GPC6: variants seen among roughly 807,000 people sequenced by gnomAD.
GPC6 encodes the protein glypican 6, also known as glypican-6.
GPC6 carries 14 observed loss-of-function variants against 55.2 expected under a neutral mutation model. That is an observed-to-expected ratio of 0.25 (90% CI 0.17 to 0.40). GPC6 has a LOEUF of 0.40. Among genes scored for constraint, GPC6 ranks in the 10% least tolerant of loss-of-function variants. The pLI is 1.00. For synonymous variants in GPC6, 278 were observed against 259.6 expected (o/e 1.07, Z -0.68); for missense variants, 641 against 708.5 (o/e 0.90, Z 1.08).
At chr13:93,648,509 A>T (rs1880272716) in intron 2 of GPC6, among the ~76,000 whole-genome samples, 1 of 152,166 alleles carries the variant, frequency 6.6e-6, no homozygotes, top group South Asian at 2.1e-4. Flanking sequence ...CTAACATCTT[A>T]TTATCTTTAT....
At chr13:93,306,809 C>A (rs1173725145) in intron 1 of GPC6, among the ~76,000 whole-genome samples, 1 of 152,020 alleles carries the variant, frequency 6.6e-6, no homozygotes, top group Non-Finnish European at 1.5e-5. Context: ...AGTAGCTATT[C>A]TTTGTAATTT....
At chr13:94,127,726 G>A (rs190259591) in intron 4 of GPC6, among the ~76,000 whole-genome samples, 16 of 152,308 alleles carry the variant, frequency 1.1e-4, no homozygotes, top group Admixed American at 2.6e-4. Context: ...AGCAAGAAGA[G>A]TGCCAGGGAA....
chr13:93,589,457 G>C (rs1435491001), intron 2 of GPC6, among the ~76,000 whole-genome samples: 7 of 152,046 alleles, frequency 4.6e-5, no homozygotes, highest in Non-Finnish European at 4.4e-5. Context: ...CAATTTACTT[G>C]CTATAAAATT....
intron 4 of GPC6, among the ~76,000 whole-genome samples, chr13:94,181,092 C>T (rs1346773861): frequency 2.6e-5 from 4 of 152,214 alleles, no homozygotes; most frequent in African/African-American, 7.2e-5. Context: ...TTGATATCCA[C>T]TCTACCAGAG....
intron 7 of GPC6, among the ~76,000 whole-genome samples, chr13:94,389,939 G>A (rs1000871241): frequency 6.6e-6 from 1 of 152,216 alleles, no homozygotes; most frequent in Non-Finnish European, 1.5e-5. Context: ...AATCGGACCC[G>A]TTGGAAACAT....
At chr13:93,386,287 T>C (rs927724900) in intron 1 of GPC6, among the ~76,000 whole-genome samples, 1 of 152,214 alleles carries the variant, frequency 6.6e-6, no homozygotes, top group Non-Finnish European at 1.5e-5. Flanking sequence ...GCTGTTTCAA[T>C]GTAGATAATT....
intron 2 of GPC6, among the ~76,000 whole-genome samples, chr13:93,802,756 T>C (rs1168560957): frequency 6.6e-6 from 1 of 152,150 alleles, no homozygotes; most frequent in East Asian, 1.9e-4. Context: ...GTATGTCTCT[T>C]GGACAGAGTT....
At chr13:94,153,217 C>G (rs558728862) in intron 4 of GPC6, among the ~76,000 whole-genome samples, 1 of 152,234 alleles carries the variant, frequency 6.6e-6, no homozygotes, top group East Asian at 1.9e-4. Context: ...TTAATACCCT[C>G]ACATAGCTCT....
intron 2 of GPC6, among the ~76,000 whole-genome samples, chr13:93,713,223 G>A (rs1047319737): frequency 1.3e-4 from 19 of 151,400 alleles, no homozygotes; most frequent in Non-Finnish European, 2.7e-4. Context: ...GTAAACATAA[G>A]GACTAAAAGT....
chr13:93,690,060 G>C (rs954685759), intron 2 of GPC6, among the ~76,000 whole-genome samples: 1 of 152,004 alleles, frequency 6.6e-6, no homozygotes, highest in African/African-American at 2.4e-5. Context: ...TCTTTCACTT[G>C]GTTTTAGGGG....
chr13:93,620,607 T>C (rs930351428), intron 2 of GPC6, among the ~76,000 whole-genome samples: 2 of 152,214 alleles, frequency 1.3e-5, no homozygotes, highest in Non-Finnish European at 2.9e-5. Flanking sequence ...TCATTGTTGG[T>C]CTGATGTTAG....
At chr13:93,976,367 A>G (rs1880516794) in intron 3 of GPC6, among the ~76,000 whole-genome samples, 1 of 152,020 alleles carries the variant, frequency 6.6e-6, no homozygotes, top group South Asian at 2.1e-4. Flanking sequence ...TCTGTTAATC[A>G]TTTTTAATTC....
At chr13:93,884,500 C>G (rs1398520899) in intron 3 of GPC6, among the ~76,000 whole-genome samples, 1 of 152,022 alleles carries the variant, frequency 6.6e-6, no homozygotes, top group East Asian at 1.9e-4. Context: ...ATATTTACAT[C>G]ATAACTTTAC....
At chr13:93,363,891 C>A (rs9561330) in intron 1 of GPC6, among the ~76,000 whole-genome samples, 49,665 of 151,352 alleles carry the variant, frequency 0.33, 9,447 homozygotes, top group East Asian at 0.79. Context: ...GCCAGTGATG[C>A]TGAGCATTTT....
At chr13:94,231,528 C>T (rs1490629582) in intron 4 of GPC6, among the ~76,000 whole-genome samples, 1 of 152,104 alleles carries the variant, frequency 6.6e-6, no homozygotes, top group East Asian at 1.9e-4. Flanking sequence ...ATACAAAGGG[C>T]AACTTAAAAG....
At chr13:93,696,712 C>T (rs1051582698) in intron 2 of GPC6, among the ~76,000 whole-genome samples, 1 of 151,516 alleles carries the variant, frequency 6.6e-6, no homozygotes, top group Non-Finnish European at 1.5e-5. Context: ...ACCTCCGCCC[C>T]ACCGGGTTCA....
intron 3 of GPC6, among the ~76,000 whole-genome samples, chr13:93,841,434 T>C (rs144721746): frequency 2.0e-5 from 3 of 152,326 alleles, no homozygotes; most frequent in Non-Finnish European, 4.4e-5. Context: ...TGCATCTATT[T>C]GCATTATACC....
At chr13:94,252,528 G>A (rs192603083) in intron 4 of GPC6, among the ~76,000 whole-genome samples, 74 of 152,120 alleles carry the variant, frequency 4.9e-4, no homozygotes, top group Admixed American at 4.2e-3. Context: ...GGATAATGGC[G>A]ATTTCAATGC....
intron 2 of GPC6, among the ~76,000 whole-genome samples, chr13:93,576,283 G>A (rs1450282059): frequency 6.6e-6 from 1 of 151,978 alleles, no homozygotes; most frequent in Non-Finnish European, 1.5e-5. Context: ...TGGAGAAAGA[G>A]GGAGTCAATT....
Sources: allele counts gnomAD v4.1 joint callset (sites outside exome capture counted in the v4.1 genomes callset), GRCh38; gene constraint gnomAD v4.1.1; transcripts MANE v1.5; gene names NCBI Gene and HGNC (gene_info 2026-07-23, HGNC 2026-07-21).